RIC8B: variants seen among roughly 807,000 people sequenced by gnomAD.
The protein encoded by RIC8B is RIC8 guanine nucleotide exchange factor B.
RIC8B carries 16 observed loss-of-function variants against 57.5 expected under a neutral mutation model. That is an observed-to-expected ratio of 0.28 (90% CI 0.19 to 0.42). The LOEUF is 0.42. Among genes scored for constraint, RIC8B ranks in the 10% least tolerant of loss-of-function variants. RIC8B has a pLI of 1.00. For missense variants in RIC8B, 481 were observed against 677.0 expected (o/e 0.71, Z 3.21); for synonymous variants, 216 against 250.8 (o/e 0.86, Z 1.31).
intron 7 of RIC8B, among the ~76,000 whole-genome samples, chr12:106,858,867 A>G (rs1314715914): frequency 6.6e-6 from 1 of 152,084 alleles, no homozygotes; most frequent in Admixed American, 6.6e-5. Flanking sequence ...GTATTTGAAA[A>G]TGTAACAGTA....
intron 8 of RIC8B, among the ~76,000 whole-genome samples, chr12:106,869,528 CCT>C (rs1435881450): frequency 2.0e-5 from 3 of 151,948 alleles, no homozygotes; most frequent in African/African-American, 7.3e-5. Flanking sequence ...TATATTTGAC[CCT>C]CTCACTCACT....
At chr12:106,875,404 G>GTAGTAAAAGCAAGCCCACTGTGCC (rs1950617052) in intron 9 of RIC8B, among the ~76,000 whole-genome samples, 1 of 152,134 alleles carries the variant, frequency 6.6e-6, no homozygotes, top group Non-Finnish European at 1.5e-5. Flanking sequence ...TGGGAATTGT[G>GTAGTAAAAGCAAGCCCACTGTGCC]TAGTAAAAGC....
At position 106,774,781 on chromosome 12, in the gene RIC8B, C is replaced by T. The variant is rs1435623229; in HGVS notation, c.36C>T (p.Ala12=). The T allele has an allele frequency of 6.4e-6, 10 of 1,553,342 alleles. No individual in the cohort carries two copies. The highest frequency in any genetic ancestry group is 4.9e-5 in the East Asian group (2 of 41,146). ...DEERALYIVR[A]GEAGAIERVL... is the part of the protein sequence containing the mutation. The stretch of plus-strand genomic sequence containing the variant: ...AGCGCGCCCTCTACATCGTCCGGGC[C>T]GGCGAAGCAGGGGCTATCGAGCGGG... The change falls in exon 1 of 10, where the codon GCC becomes GCT. Residue 12 remains alanine, a synonymous_variant. Transcript: ENST00000392837.
chr12:106,846,082 T>G (rs1318455631), intron 6 of RIC8B, among the ~76,000 whole-genome samples: 1 of 152,196 alleles, frequency 6.6e-6, no homozygotes, highest in Admixed American at 6.5e-5. Context: ...TCAAGAGTCA[T>G]GGTTTTGAAA....
intron 8 of RIC8B, among the ~76,000 whole-genome samples, chr12:106,861,202 A>G (rs1019395244): frequency 4.6e-5 from 7 of 152,090 alleles, no homozygotes; most frequent in African/African-American, 1.4e-4. Context: ...TGAAAATTGG[A>G]AAAGCATGCC....
chr12:106,840,789 T>A (rs959354716), intron 4 of RIC8B, among the ~76,000 whole-genome samples: 18 of 152,280 alleles, frequency 1.2e-4, no homozygotes, highest in Admixed American at 3.9e-4. Context: ...GGGGAAACAT[T>A]CCTTTGTAAT....
intron 9 of RIC8B, among the ~76,000 whole-genome samples, chr12:106,872,582 C>T (rs1178370379): frequency 1.3e-5 from 2 of 150,802 alleles, no homozygotes; most frequent in African/African-American, 2.4e-5. Context: ...GCAGGAGAAT[C>T]GCTTGAACCT....
chr12:106,856,417 C>A (rs1949717784), intron 7 of RIC8B, among the ~76,000 whole-genome samples: 1 of 152,178 alleles, frequency 6.6e-6, no homozygotes, highest in South Asian at 2.1e-4. Flanking sequence ...CATGCTTAAT[C>A]ATACTAAATT....
At chr12:106,864,508 A>T (rs1431106200) in intron 8 of RIC8B, among the ~76,000 whole-genome samples, 1 of 152,134 alleles carries the variant, frequency 6.6e-6, no homozygotes, top group Non-Finnish European at 1.5e-5. Context: ...CATTTTATAG[A>T]TGAGAAAACT....
chr12:106,836,187 T>C (rs577945831), intron 4 of RIC8B, among the ~76,000 whole-genome samples: 1 of 152,360 alleles, frequency 6.6e-6, no homozygotes, highest in Non-Finnish European at 1.5e-5. Context: ...ACCTAACTAA[T>C]TGTAAATTCT....
chr12:106,854,652 G>T (rs1003175155), intron 7 of RIC8B, among the ~76,000 whole-genome samples: 1 of 152,154 alleles, frequency 6.6e-6, no homozygotes, highest in Non-Finnish European at 1.5e-5. Flanking sequence ...TTAGCTGGAC[G>T]TGGTGGTGCA....
intron 7 of RIC8B, among the ~76,000 whole-genome samples, chr12:106,857,148 G>C (rs1260741022): frequency 6.6e-6 from 1 of 152,146 alleles, no homozygotes; most frequent in Non-Finnish European, 1.5e-5. Context: ...ATTTTATCCA[G>C]GAAGGTTGTA....
chr12:106,876,786 T>G (rs1333018853), intron 9 of RIC8B, among the ~76,000 whole-genome samples: 1 of 152,176 alleles, frequency 6.6e-6, no homozygotes, highest in African/African-American at 2.4e-5. Context: ...ACTGGCTGTT[T>G]GTTCTCTTAG....
intron 4 of RIC8B, 35 bp from the exon 5 acceptor site, chr12:106,842,554 A>C: frequency 6.6e-7 from 1 of 1,513,372 alleles, no homozygotes. Flanking sequence ...TATTCAATCA[A>C]GTTAAAATAT....
At chr12:106,870,361 A>G (rs1306299652) in intron 8 of RIC8B, among the ~76,000 whole-genome samples, 1 of 152,168 alleles carries the variant, frequency 6.6e-6, no homozygotes, top group Admixed American at 6.5e-5. Flanking sequence ...GAGATTATAA[A>G]TTGGCATGCT....
chr12:106,815,843 A>G (rs1185266416), intron 3 of RIC8B, among the ~76,000 whole-genome samples: 1 of 152,214 alleles, frequency 6.6e-6, no homozygotes, highest in Non-Finnish European at 1.5e-5. Context: ...ACAACTAGAT[A>G]TCTGTGCTCA....
chr12:106,860,534 G>A, intron 8 of RIC8B, 122 bp downstream of exon 8: 2 of 811,700 alleles, frequency 2.5e-6, no homozygotes, highest in South Asian at 5.1e-5. Flanking sequence ...CCATTTAATG[G>A]TGTTTTTAGA....
intron 1 of RIC8B, among the ~76,000 whole-genome samples, chr12:106,778,387 T>C (rs573185845): frequency 6.6e-5 from 10 of 152,334 alleles, no homozygotes; most frequent in African/African-American, 2.4e-4. Flanking sequence ...CTTGTCTGTT[T>C]GTCAAGGGCA....
At chr12:106,849,350 G>T (rs935200005) in intron 6 of RIC8B, among the ~76,000 whole-genome samples, 5 of 145,154 alleles carry the variant, frequency 3.4e-5, no homozygotes, top group African/African-American at 1.3e-4. Context: ...ACAGGGTCTC[G>T]CTATGTTGCC....
Sources: allele counts gnomAD v4.1 joint callset (sites outside exome capture counted in the v4.1 genomes callset), GRCh38; gene constraint gnomAD v4.1.1; transcripts MANE v1.5; gene names NCBI Gene and HGNC (gene_info 2026-07-23, HGNC 2026-07-21).